Variants in KIFC3 observed in about 807,000 individuals in gnomAD.
The protein encoded by KIFC3 is kinesin family member C3, also known as kinesin-like protein KIFC3.
In KIFC3, 60 loss-of-function variants were observed where a neutral mutation model predicts 101.8. That is an observed-to-expected ratio of 0.59 (90% CI 0.48 to 0.73). The LOEUF (loss-of-function observed/expected upper bound fraction) is 0.73. Among genes scored for constraint, KIFC3 ranks in the 30% least tolerant of loss-of-function variants. The pLI, the probability that KIFC3 is intolerant of heterozygous loss-of-function variation, is 0.00. For synonymous variants in KIFC3, 476 were observed against 482.7 expected (o/e 0.99, Z 0.18); for missense variants, 966 against 1,137.1 (o/e 0.85, Z 2.16).
At position 57,837,950 on chromosome 16, in the gene KIFC3, C is replaced by G. The variant is rs75901971; in HGVS notation, c.108+24779G>C. Among the ~76,000 whole-genome samples the G allele has an allele frequency of 8.8e-3, 1,332 of 152,190 alleles. 23 individuals carry two copies. Among genetic ancestry groups the G allele is most frequent in the African/African-American group, 0.029 (1,222 of 41,522 alleles). On this transcript the variant is annotated intron_variant, in intron 1 of 2. Coordinates refer to the KIFC3 transcript ENST00000563028. ...GGCCTTGGCAGAGCGCAGCCCAGAC[C>G]CAGGTCCGCTAACTCCTGGTGGGCC... is the stretch of plus-strand genomic sequence containing the variant.
chr16:57,819,118 A>T (rs990780551), intron 1 of KIFC3, among the ~76,000 whole-genome samples: 6 of 148,730 alleles, frequency 4.0e-5, no homozygotes, highest in Non-Finnish European at 9.1e-5. Context: ...CCCACCCCAG[A>T]CGTAGCTCCA....
chr16:57,836,607 A>G (rs2055692835), intron 1 of KIFC3, among the ~76,000 whole-genome samples: 1 of 152,236 alleles, frequency 6.6e-6, no homozygotes, highest in Admixed American at 6.5e-5. Context: ...AGGCACAAAA[A>G]GAAAACAAAA....
intron 6 of KIFC3, 98 bp downstream of exon 6, chr16:57,771,100 C>A: frequency 1.4e-6 from 2 of 1,438,996 alleles, no homozygotes; most frequent in Non-Finnish European, 9.6e-7. Context: ...CCACACACAC[C>A]TACCTATTCA....
intron 1 of KIFC3, among the ~76,000 whole-genome samples, chr16:57,809,761 C>T (rs1212226927): frequency 6.6e-6 from 1 of 152,178 alleles, no homozygotes; most frequent in East Asian, 1.9e-4. Context: ...TTTACACTGT[C>T]GTTGGCAGCA....
intron 3 of KIFC3, chr16:57,775,061 G>A (rs1555611083): frequency 1.3e-6 from 2 of 1,512,906 alleles, no homozygotes; most frequent in South Asian, 1.3e-5. Flanking sequence ...TTTGCTGGGG[G>A]TGGGAGGCGG....
chr16:57,790,080 T>TTCTTTCTTTCTTTC (rs1386027090), intron 3 of KIFC3, among the ~76,000 whole-genome samples: 1 of 134,554 alleles, frequency 7.4e-6, no homozygotes. Flanking sequence ...CTTTCTTTCT[T>TTCTTTCTTTCTTTC]TTTTTTTTTT....
chr16:57,765,867 T>C, intron 10 of KIFC3: 1 of 467,102 alleles, frequency 2.1e-6, no homozygotes. Context: ...GGGGTGGAGC[T>C]CTGCCTTGGG....
rs1555594163 is a variant in KIFC3 at position 57,759,829 on chromosome 16, G to A, written c.2375C>T (p.Pro792Leu). ...WSSQEHLEWEPACQTPQPSAR... is the reference protein window; with the variant it reads ...WSSQEHLEWELACQTPQPSAR... Reference sequence around the variant, plus strand: ...CGAGGGCTGTGGCGTCTGACAAGCCGGCTCCCACTGTGAGCAGGGAAGGGC... The same window carrying A: ...CGAGGGCTGTGGCGTCTGACAAGCCAGCTCCCACTGTGAGCAGGGAAGGGC... The change falls in exon 18 of 20, where the codon CCG becomes CTG. Residue 792 changes from proline (P) to leucine (L), a missense_variant. Coordinates refer to ENST00000445690, the MANE Select transcript of KIFC3 (RefSeq NM_001130100.2). 5.6e-6 allele frequency: 9 copies of A among 1,607,910 alleles called. No homozygotes were observed. Among genetic ancestry groups the A allele is most frequent in the South Asian group, 1.1e-5 (1 of 90,298 alleles).
chr16:57,796,425 G>C (rs1168631187), intron 2 of KIFC3, among the ~76,000 whole-genome samples: 1 of 152,198 alleles, frequency 6.6e-6, no homozygotes, highest in African/African-American at 2.4e-5. Context: ...CCGGAAGCCT[G>C]GAAGGGTTAA....
chr16:57,796,222 T>A (rs1347324757), intron 2 of KIFC3, among the ~76,000 whole-genome samples: 1 of 152,182 alleles, frequency 6.6e-6, no homozygotes, highest in African/African-American at 2.4e-5. Flanking sequence ...CTCAGTTTGC[T>A]TGTCAATAAA....
intron 3 of KIFC3, among the ~76,000 whole-genome samples, chr16:57,790,512 A>G (rs1407140500): frequency 3.9e-5 from 6 of 152,028 alleles, no homozygotes; most frequent in Non-Finnish European, 8.8e-5. Context: ...TGCTCAGTCT[A>G]AAAAATAAAC....
chr16:57,769,389 G>GT lies in KIFC3; in HGVS notation c.1218+205dup, dbSNP rs1555605377. Among the ~76,000 whole-genome samples the GT allele has an allele frequency of 6.6e-6, 1 of 152,222 alleles. No homozygotes were observed. The highest frequency in any genetic ancestry group is 1.5e-5 in the Non-Finnish European group (1 of 68,040). On this transcript the variant is annotated intron_variant, in intron 9 of 19. Transcript: ENST00000445690. This position sits in a 1 kb window ranked among gnomAD's most constrained non-coding sequence, Gnocchi z 4.3. ...AACATGTTTGGTTTAAAGAATCATA[G>GT]TAAGACAAATAGCCGAATGCCTGCC...
intron 1 of KIFC3, chr16:57,846,622 TC>T (rs1217019959): frequency 6.6e-6 from 1 of 152,214 alleles, no homozygotes; most frequent in African/African-American, 2.4e-5. Context: ...TCTCCCCCAC[TC>T]CATCTGGTTG....
At chr16:57,760,533 G>T in intron 16 of KIFC3, 117 bp from the exon 17 acceptor site, 1 of 1,280,090 alleles carries the variant, frequency 7.8e-7, no homozygotes, top group Non-Finnish European at 1.1e-6. Flanking sequence ...TGAGGGATGG[G>T]GTGGGAGGGC....
rs180867231 is a variant in KIFC3, at chr16:57,769,994, G to A, written c.940-39C>T. On this transcript the variant is annotated intron_variant, in intron 7 of 19. Transcript: ENST00000445690. The surrounding 1 kb of genome is among the most constrained non-coding windows in gnomAD (Gnocchi z 4.3). ...GAAAAGGCTCAGTACCTCGAGGTGCGGGAGAGAGAGGGGCAGGTGCCACAC... is the reference window on the plus strand; with the variant it reads ...GAAAAGGCTCAGTACCTCGAGGTGCAGGAGAGAGAGGGGCAGGTGCCACAC... 6.1e-4 allele frequency: 964 copies of A among 1,592,030 alleles called. 8 individuals carry two copies. In the African/African-American group the frequency reaches 0.011, roughly 18 times the overall value.
intron 1 of KIFC3, among the ~76,000 whole-genome samples, chr16:57,847,294 C>A (rs1362240965): frequency 0.014 from 90 of 6,456 alleles, 1 homozygote; most frequent in African/African-American, 0.049. Context: ...GGAGAGAGGG[C>A]GGGGAGGGAG....
chr16:57,854,042 A>G (rs752010092), intron 1 of KIFC3, among the ~76,000 whole-genome samples: 21 of 152,114 alleles, frequency 1.4e-4, no homozygotes, highest in Non-Finnish European at 2.2e-4. Flanking sequence ...CCCAGGCTCC[A>G]GCAATTCTGC....
intron 3 of KIFC3, among the ~76,000 whole-genome samples, chr16:57,780,865 G>C (rs557465080): frequency 6.6e-6 from 1 of 151,708 alleles, no homozygotes; most frequent in South Asian, 2.1e-4. Context: ...AGTAGAGACG[G>C]GGTTTCACCA....
intron 3 of KIFC3, chr16:57,776,126 T>A (rs2052041702): frequency 1.0e-6 from 1 of 985,464 alleles, no homozygotes; most frequent in Middle Eastern, 5.2e-4. Flanking sequence ...GGTTACCTCC[T>A]TACCTCCCAC....
Sources: gnomAD v4.1 joint callset for allele counts (sites outside exome capture counted in the v4.1 genomes callset) on GRCh38, gnomAD v4.1.1 for gene constraint, Gnocchi (gnomAD v3.1) non-coding constraint, MANE v1.5 for transcripts, NCBI Gene and HGNC (gene_info 2026-07-23, HGNC 2026-07-21) for gene names.